The following SQLE variants were observed in gnomAD, a reference collection of about 807,000 sequenced individuals.
The protein encoded by SQLE is squalene monooxygenase.
Under a neutral mutation model 60.7 loss-of-function variants are expected in SQLE, and 29 were observed. That is an observed-to-expected ratio of 0.48 (90% CI 0.36 to 0.65). The LOEUF (loss-of-function observed/expected upper bound fraction) is 0.65, where lower values mean the gene tolerates loss of function less well. Among genes scored for constraint, SQLE ranks in the 30% least tolerant of loss-of-function variants. The probability of loss-of-function intolerance (pLI) is 0.00; values close to 1 mark genes in which losing one functional copy is unlikely to be tolerated. For missense variants in SQLE, 605 were observed against 684.1 expected, an observed-to-expected ratio of 0.88 and a Z score of 1.29; for synonymous variants, 237 against 246.8, an observed-to-expected ratio of 0.96 and a Z score of 0.37.
rs1814799472 is a variant in SQLE, at chr8:124,999,212, A to G, written c.-192A>G. On this transcript the variant is annotated 5_prime_UTR_variant, in exon 1 of 11. Coordinates refer to ENST00000265896, the MANE Select transcript of SQLE (RefSeq NM_003129.4). ...TCTACGCCCTATACAACTTGGCTTC[A>G]CATACTTTTACACTAACTTTATATG... 2.1e-6 allele frequency: 1 copy of G among 482,904 alleles called. No individual in the cohort carries two copies. Among genetic ancestry groups the G allele is most frequent in the Non-Finnish European group, 3.3e-6 (1 of 301,524 alleles). The allele number at this position is 482,904 out of a possible 1,614,324, so 29.9% of individuals were successfully genotyped here. A position where few individuals can be genotyped will look rare whatever the true frequency, so the allele number is the denominator to read the frequency against.
chr8:125,019,869 A>C (rs1815174975), intron 9 of SQLE, among the ~76,000 whole-genome samples: 1 of 102,150 alleles, frequency 9.8e-6, no homozygotes, highest in Non-Finnish European at 1.9e-5. Flanking sequence ...GAAAAAAAAC[A>C]AAACAAAAAC....
At position 125,010,928 on chromosome 8, in the gene SQLE, T is replaced by C. The variant is rs1815030627; in HGVS notation, c.1109-609T>C. 3 of 152,076 alleles carry C rather than the reference T, an allele frequency of 2.0e-5. No individual in the cohort carries two copies. The South Asian group carries it at 6.2e-4, about 32-fold the overall frequency. 9.4% of individuals were successfully genotyped at this position (152,076 alleles called of 1,614,324 possible). On this transcript the variant is annotated intron_variant, in intron 6 of 10. Transcript: ENST00000265896. ...TGGAATAATTTTTAACAGAGGCTTC[T>C]GCTCCTCTATTCCCAGATCACACTG...
chr8:125,000,422 C>G (rs1335684104), intron 1 of SQLE, among the ~76,000 whole-genome samples: 2 of 152,108 alleles, frequency 1.3e-5, no homozygotes, highest in African/African-American at 4.8e-5. Context: ...ATGGGAGTAA[C>G]TTTATTCGGT....
chr8:125,021,541 A>AAAG (rs1554588624), intron 10 of SQLE, among the ~76,000 whole-genome samples: 10 of 139,622 alleles, frequency 7.2e-5, no homozygotes, highest in South Asian at 7.1e-4. Flanking sequence ...AAAAAAAAAA[A>AAAG]GGGGGGTGGG....
rs149973351 is a variant in SQLE, at chr8:125,012,368, A to G, written c.1204+736A>G. Among the ~76,000 whole-genome samples the G allele has an allele frequency of 3.4e-3, 519 of 152,290 alleles. 3 individuals carry two copies. Among genetic ancestry groups the G allele is most frequent in the Non-Finnish European group, 4.7e-3 (319 of 68,028 alleles). On this transcript the variant is annotated intron_variant, in intron 7 of 10. Coordinates refer to ENST00000265896, the MANE Select transcript of SQLE (RefSeq NM_003129.4). ...CATCACCACCACAATCAAATTTAGA[A>G]CATTTTTATCTTGCCCAAAGAAACC...
intron 7 of SQLE, among the ~76,000 whole-genome samples, chr8:125,015,483 A>G (rs748584267): frequency 1.3e-5 from 2 of 152,092 alleles, no homozygotes; most frequent in Non-Finnish European, 2.9e-5. Flanking sequence ...CCTTTCTGTG[A>G]AGGTAATTTT....
rs945624058 is a variant in SQLE, at chr8:125,003,488, A to G, written c.544+60A>G. 11 of 1,564,814 alleles carry G rather than the reference A, an allele frequency of 7.0e-6. No homozygotes were observed. The African/African-American group carries it at 1.2e-4, about 17-fold the overall frequency. On this transcript the variant is annotated intron_variant, in intron 2 of 10. Transcript: ENST00000265896. ...GTATGAACAAGCACTCTTCACTTAG[A>G]CCATCCTATGACCAGTAAGAAGGTA...
chr8:125,011,810 C>G (rs3750236), intron 7 of SQLE, among the ~76,000 whole-genome samples, 178 bp downstream of exon 7: 50,545 of 140,848 alleles, frequency 0.36, 11,355 homozygotes, highest in African/African-American at 0.61. Flanking sequence ...TGAGTGTATA[C>G]AAGTATTGTG....
chr8:125,002,681 CAAACAAACAAAA>C (rs1474223394), intron 1 of SQLE, among the ~76,000 whole-genome samples: 5 of 151,630 alleles, frequency 3.3e-5, no homozygotes, highest in South Asian at 4.1e-4. Flanking sequence ...CAGTCTCAAA[CAAACAAACAAAA>C]AAACAAACAA....
In SQLE at chr8:124,999,273, TG is replaced by T; in HGVS notation, c.-128del. 1.2e-6 allele frequency: 1 copy of T among 851,832 alleles called. No homozygotes were observed. Among genetic ancestry groups the T allele is most frequent in the Non-Finnish European group, 1.6e-6 (1 of 621,024 alleles). The allele number at this position is 851,832 out of a possible 1,614,324, so 52.8% of individuals were successfully genotyped here. ...ACTGGTCTGATCGGACTTCTCGTCC[TG>T]GGACACTGTTTACTGGAGTCTGGCC... On this transcript the variant is annotated 5_prime_UTR_variant, in exon 1 of 11. An upstream open reading frame in the 5' UTR loses its in-frame stop. Coordinates refer to ENST00000265896, the MANE Select transcript of SQLE (RefSeq NM_003129.4).
In SQLE at chr8:124,999,085, A is replaced by C; in HGVS notation, c.-319A>C. The C allele has an allele frequency of 6.6e-6, 2 of 305,134 alleles. No individual in the cohort carries two copies. Among genetic ancestry groups the C allele is most frequent in the Non-Finnish European group, 5.9e-6 (1 of 168,170 alleles). The allele number at this position is 305,134 out of a possible 1,614,324, so 18.9% of individuals were successfully genotyped here. ...ATCACCCGCAGCAACCGCTCAGGGAACACCATCAAAAAAGAAAAAAAGGGA... is the reference window on the plus strand; with the variant it reads ...ATCACCCGCAGCAACCGCTCAGGGACCACCATCAAAAAAGAAAAAAAGGGA... On this transcript the variant is annotated 5_prime_UTR_variant, in exon 1 of 11. Transcript: ENST00000265896.
Position 125,007,395 on chromosome 8 carries a change from A to C in SQLE, c.730A>C (p.Lys244Gln). The C allele has an allele frequency of 6.5e-7, 1 of 1,543,526 alleles. No individual in the cohort carries two copies. The highest frequency in any genetic ancestry group is 1.2e-5 in the South Asian group (1 of 81,806). ...GTATTTTTTTTTATTCTTTAGTGCA[A>C]AGTTTATTGAAGGTGTTGTGTTACA... ...RKAAMAEPNAKFIEGVVLQLL... is the reference protein window; with the variant it reads ...RKAAMAEPNAQFIEGVVLQLL... The change falls in exon 4 of 11, where the codon AAG becomes CAG. Residue 244 changes from lysine to glutamine, a missense_variant. Transcript: ENST00000265896.
Position 125,021,762 on chromosome 8 carries a change from T to C in SQLE, c.1542T>C (p.Pro514=), listed in dbSNP as rs1815209330. ...TTTTTTTCTATTACAGATTGTCTCCTAACCCTCTAGTTTTAATTGGACACT... is the reference window on the plus strand; with the variant it reads ...TTTTTTTCTATTACAGATTGTCTCCCAACCCTCTAGTTTTAATTGGACACT... ...GPVGLLSVLS[P]NPLVLIGHFF... is the part of the protein sequence containing the mutation. Residue 514 remains proline, a synonymous_variant, in exon 11 of 11, where the codon CCT becomes CCC. Coordinates refer to ENST00000265896, the MANE Select transcript of SQLE (RefSeq NM_003129.4). The C allele has an allele frequency of 1.9e-6, 3 of 1,600,592 alleles. No individual in the cohort carries two copies. Among genetic ancestry groups the C allele is most frequent in the Non-Finnish European group, 2.6e-6 (3 of 1,172,658 alleles).
intron 6 of SQLE, among the ~76,000 whole-genome samples, chr8:125,010,330 A>C (rs1588114115): frequency 6.6e-6 from 1 of 152,332 alleles, no homozygotes; most frequent in East Asian, 1.9e-4. Flanking sequence ...ACAAATCTAA[A>C]GTTTTCATGG....
chr8:125,004,001 A>G (rs761641011), intron 2 of SQLE, among the ~76,000 whole-genome samples: 17 of 152,130 alleles, frequency 1.1e-4, no homozygotes, highest in Admixed American at 2.0e-4. Context: ...TCATGACCTA[A>G]TCACCTTCTA....
chr8:124,999,973 G>A (rs1259084696), intron 1 of SQLE: 1 of 601,792 alleles, frequency 1.7e-6, no homozygotes, highest in Admixed American at 2.1e-5. Context: ...ATTTCATTTT[G>A]AAGGAGAAGA....
In SQLE at chr8:125,011,517, G is replaced by A; in HGVS notation, c.1109-20G>A. 1 of 1,560,156 alleles carries A rather than the reference G, an allele frequency of 6.4e-7. No individual in the cohort carries two copies. The highest frequency in any genetic ancestry group is 8.7e-7 in the Non-Finnish European group (1 of 1,149,400). The stretch of plus-strand genomic sequence containing the variant: ...GAAGTGTTATGACCCATTTCTTTGG[G>A]TTGGTGGGATTTATTGCAGATCACC... On this transcript the variant is annotated intron_variant, in intron 6 of 10. Coordinates refer to ENST00000265896, the MANE Select transcript of SQLE (RefSeq NM_003129.4).
At chr8:125,006,759 C>T (rs1422359881) in intron 3 of SQLE, among the ~76,000 whole-genome samples, 2 of 149,676 alleles carry the variant, frequency 1.3e-5, no homozygotes, top group African/African-American at 5.0e-5. Flanking sequence ...GGCTGGAGGG[C>T]AGTGTTGCAA....
In SQLE at chr8:125,003,283, G is replaced by A. The variant is rs375613049; in HGVS notation, c.399G>A (p.Val133=). 3.7e-6 allele frequency: 6 copies of A among 1,613,990 alleles called. No homozygotes were observed. Among genetic ancestry groups the A allele is most frequent in the Non-Finnish European group, 5.1e-6 (6 of 1,179,896 alleles). The change falls in exon 2 of 11, where the codon GTG becomes GTA. Residue 133 remains valine (V), a synonymous_variant. Transcript: ENST00000265896. ...DPEVIIVGAG[V]LGSALAAVLS... Reference sequence around the variant, plus strand: ...AAGTTATCATCGTGGGAGCTGGCGTGCTTGGCTCTGCTTTGGCAGCTGTGC... The same window carrying A: ...AAGTTATCATCGTGGGAGCTGGCGTACTTGGCTCTGCTTTGGCAGCTGTGC...
Sources: allele counts gnomAD v4.1 joint callset (sites outside exome capture counted in the v4.1 genomes callset), GRCh38; gene constraint gnomAD v4.1.1; transcripts MANE v1.5; gene names NCBI Gene and HGNC (gene_info 2026-07-23, HGNC 2026-07-21).